The following RNF8 variants were observed in gnomAD, a reference collection of about 807,000 sequenced individuals.
RNF8 encodes E3 ubiquitin-protein ligase RNF8.
A neutral mutation model predicts 59.3 loss-of-function variants in RNF8; 8 were observed. That is an observed-to-expected ratio of 0.13 (90% CI 0.08 to 0.24). RNF8 has a LOEUF of 0.24. Ranked by LOEUF, RNF8 falls within the 10% of genes least tolerant of loss-of-function variation. RNF8 has a pLI of 1.00. For missense variants in RNF8, 406 were observed against 572.6 expected, an observed-to-expected ratio of 0.71 and a Z score of 2.97; for synonymous variants, 162 against 200.0, an observed-to-expected ratio of 0.81 and a Z score of 1.60.
chr6:37,357,068 G>A (rs1360993996), intron 1 of RNF8, among the ~76,000 whole-genome samples: 1 of 152,214 alleles, frequency 6.6e-6, no homozygotes, highest in Non-Finnish European at 1.5e-5. Flanking sequence ...GAAACAGTAG[G>A]AATTGTGCCC....
At chr6:37,378,600 CAAAAAAAAAAA>C (rs554259061) in intron 6 of RNF8, among the ~76,000 whole-genome samples, 29 of 56,556 alleles carry the variant, frequency 5.1e-4, no homozygotes, top group Admixed American at 4.7e-3. Context: ...GACTCCGTCT[CAAAAAAAAAAA>C]AAAAAAAAAA....
intron 6 of RNF8, 71 bp downstream of exon 6, chr6:37,377,104 C>T (rs1770053943): frequency 1.3e-6 from 1 of 775,444 alleles, no homozygotes; most frequent in South Asian, 1.7e-5. Context: ...CAGAGTCTCA[C>T]TCTGTCAACC....
intron 7 of RNF8, among the ~76,000 whole-genome samples, chr6:37,382,635 C>G (rs1326782226): frequency 1.3e-5 from 2 of 152,118 alleles, no homozygotes; most frequent in African/African-American, 2.4e-5. Flanking sequence ...AGTCTACCAC[C>G]TAAGTTCCTT....
In RNF8 at chr6:37,354,104, G is replaced by A. The variant is rs909027357; in HGVS notation, c.-61G>A. 2 of 1,366,534 alleles carry A rather than the reference G, an allele frequency of 1.5e-6. No homozygotes were observed. Among genetic ancestry groups the A allele is most frequent in the Non-Finnish European group, 2.0e-6 (2 of 978,706 alleles). The allele number at this position is 1,366,534 out of a possible 1,614,324, so 84.7% of individuals were successfully genotyped here. On this transcript the variant is annotated 5_prime_UTR_variant, in exon 1 of 8. Coordinates refer to ENST00000373479, the MANE Select transcript of RNF8 (RefSeq NM_003958.4). ...ATGGAAGCTGAGGGGATGCACAGAG[G>A]CAGCCAGAACCTAGGTCAGGGTCTC...
At position 37,393,367 on chromosome 6, in the gene RNF8, A is replaced by C. The variant is rs1770777801; in HGVS notation, c.*2609A>C. The C allele has an allele frequency of 6.6e-6, 1 of 152,192 alleles. No individual in the cohort carries two copies. The highest frequency in any genetic ancestry group is 1.5e-5 in the Non-Finnish European group (1 of 68,032). The allele number at this position is 152,192 out of a possible 1,614,324, so 9.4% of individuals were successfully genotyped here. ...CCAAAAATTAACCCAAACTTGCATT[A>C]TTTGTCTGAGCTACAGAATGTTCTT... On this transcript the variant is annotated 3_prime_UTR_variant, in exon 8 of 8. Transcript: ENST00000373479.
intron 6 of RNF8, among the ~76,000 whole-genome samples, chr6:37,380,372 T>G (rs1274082858): frequency 6.6e-6 from 1 of 151,948 alleles, no homozygotes; most frequent in Non-Finnish European, 1.5e-5. Flanking sequence ...ACATAAAGCT[T>G]AAAATTTCCC....
rs897917783 is a variant in RNF8 at position 37,393,338 on chromosome 6, C to G, written c.*2580C>G. 1 of 152,084 alleles carries G rather than the reference C, an allele frequency of 6.6e-6. No individual in the cohort carries two copies. Among genetic ancestry groups the G allele is most frequent in the African/African-American group, 2.4e-5 (1 of 41,448 alleles). 9.4% of individuals were successfully genotyped at this position (152,084 alleles called of 1,614,324 possible). Reference sequence around the variant, plus strand: ...GCCTGAATGTACTATGTTTAAAAGACAAACCAAAAATTAACCCAAACTTGC... The same window carrying G: ...GCCTGAATGTACTATGTTTAAAAGAGAAACCAAAAATTAACCCAAACTTGC... On this transcript the variant is annotated 3_prime_UTR_variant, in exon 8 of 8. Coordinates refer to ENST00000373479, the MANE Select transcript of RNF8 (RefSeq NM_003958.4).
At chr6:37,371,418 T>A (rs1354942169) in intron 3 of RNF8, 94 bp from the exon 4 acceptor site, 1 of 953,962 alleles carries the variant, frequency 1.0e-6, no homozygotes, top group Non-Finnish European at 1.6e-6. Flanking sequence ...TTCCAGATGC[T>A]CATACTAGCT....
chr6:37,383,097 A>G (rs989503875), intron 7 of RNF8, among the ~76,000 whole-genome samples: 7 of 152,226 alleles, frequency 4.6e-5, no homozygotes, highest in Non-Finnish European at 1.0e-4. Flanking sequence ...CAAAGGCTAA[A>G]GAGGGTGTCT....
chr6:37,366,763 G>A (rs1769570671), intron 2 of RNF8, among the ~76,000 whole-genome samples: 1 of 152,082 alleles, frequency 6.6e-6, no homozygotes, highest in Admixed American at 6.5e-5. Flanking sequence ...CATAAATCTT[G>A]GTCCCAATTC....
At chr6:37,385,724 A>C (rs2113834353) in intron 7 of RNF8, among the ~76,000 whole-genome samples, 1 of 152,314 alleles carries the variant, frequency 6.6e-6, no homozygotes, top group South Asian at 2.1e-4. Context: ...TGTTACTAGA[A>C]GCTTTTTAAT....
intron 6 of RNF8, among the ~76,000 whole-genome samples, chr6:37,378,805 A>G (rs748471240): frequency 3.9e-5 from 6 of 151,932 alleles, no homozygotes; most frequent in Non-Finnish European, 5.9e-5. Context: ...GAGAAGTTCT[A>G]TGTTGTTTTG....
Position 37,368,979 on chromosome 6 carries a change from T to G in RNF8, c.736T>G (p.Leu246Val). 1 of 1,614,192 alleles carries G rather than the reference T, an allele frequency of 6.2e-7. No homozygotes were observed. Among genetic ancestry groups the G allele is most frequent in the Non-Finnish European group, 8.5e-7 (1 of 1,180,026 alleles). ...ASNSSASQRS[L>V]QMFKVTMSRI... ...AAACTCTTCAGCATCTCAGAGAAGC[T>G]TACAGATGTTTAAGGTGACCATGTC... The change falls in exon 3 of 8, where the codon TTA (leucine) becomes GTA (valine). Residue 246 changes from leucine (L) to valine (V), a missense_variant. Transcript: ENST00000373479.
intron 1 of RNF8, among the ~76,000 whole-genome samples, chr6:37,354,583 G>A (rs1053398034): frequency 1.3e-5 from 2 of 152,168 alleles, no homozygotes; most frequent in Non-Finnish European, 2.9e-5. Context: ...TTGGGGCGAG[G>A]ACGGAGGCCC....
In RNF8 at chr6:37,354,106, A is replaced by G; in HGVS notation, c.-59A>G. 1 of 1,398,550 alleles carries G rather than the reference A, an allele frequency of 7.2e-7. No individual in the cohort carries two copies. The highest frequency in any genetic ancestry group is 9.9e-7 in the Non-Finnish European group (1 of 1,007,738). The allele number at this position is 1,398,550 out of a possible 1,614,324, so 86.6% of individuals were successfully genotyped here. Reference sequence around the variant, plus strand: ...GGAAGCTGAGGGGATGCACAGAGGCAGCCAGAACCTAGGTCAGGGTCTCGC... The same window carrying G: ...GGAAGCTGAGGGGATGCACAGAGGCGGCCAGAACCTAGGTCAGGGTCTCGC... On this transcript the variant is annotated 5_prime_UTR_variant, in exon 1 of 8. Transcript: ENST00000373479.
chr6:37,388,096 G>A (rs1409314629), intron 7 of RNF8, among the ~76,000 whole-genome samples: 2 of 152,152 alleles, frequency 1.3e-5, no homozygotes, highest in Non-Finnish European at 2.9e-5. Flanking sequence ...GAGACGACAT[G>A]GTGCTGGGAA....
intron 5 of RNF8, among the ~76,000 whole-genome samples, chr6:37,376,329 T>C (rs1310941203): frequency 1.3e-5 from 2 of 152,166 alleles, no homozygotes; most frequent in East Asian, 3.8e-4. Context: ...GCAATGCAAA[T>C]ACTGAAAAAG....
At chr6:37,366,688 C>T (rs1419241874) in intron 2 of RNF8, among the ~76,000 whole-genome samples, 1 of 152,198 alleles carries the variant, frequency 6.6e-6, no homozygotes, top group African/African-American at 2.4e-5. Context: ...CCCTGTCCCT[C>T]ATATTTGGGT....
chr6:37,369,510 A>G (rs1346676180), intron 3 of RNF8, among the ~76,000 whole-genome samples: 1 of 152,236 alleles, frequency 6.6e-6, no homozygotes, highest in Non-Finnish European at 1.5e-5. Flanking sequence ...AGCTGAGGCA[A>G]CTCAGAACCA....
Sources: allele counts gnomAD v4.1 joint callset (sites outside exome capture counted in the v4.1 genomes callset), GRCh38; gene constraint gnomAD v4.1.1; transcripts MANE v1.5; gene names NCBI Gene and HGNC (gene_info 2026-07-23, HGNC 2026-07-21).